Variants in DLG2 observed in about 807,000 individuals in gnomAD.
DLG2 encodes disks large homolog 2.
A neutral mutation model predicts 132.5 loss-of-function variants in DLG2; 45 were observed. The ratio of observed to expected loss-of-function variants is 0.34; its 90% CI spans 0.27 to 0.44. The LOEUF is 0.44. Among genes scored for constraint, DLG2 ranks in the 20% least tolerant of loss-of-function variants. The pLI is 1.00. For missense variants in DLG2, 1,045 were observed against 1,196.9 expected (o/e 0.87, Z 1.87); for synonymous variants, 424 against 419.6 (o/e 1.01, Z -0.13).
intron 7 of DLG2, among the ~76,000 whole-genome samples, chr11:84,347,414 T>C (rs2098543995): frequency 6.6e-6 from 1 of 152,220 alleles, no homozygotes; most frequent in Non-Finnish European, 1.5e-5. Context: ...ATTCTGCCCA[T>C]TGATATTTGG....
intron 6 of DLG2, among the ~76,000 whole-genome samples, chr11:84,922,837 C>A (rs1168582547): frequency 6.7e-6 from 1 of 148,536 alleles, no homozygotes; most frequent in Non-Finnish European, 1.5e-5. Context: ...CACCCCCCAA[C>A]TATGAGCGTG....
At chr11:84,670,645 A>T (rs1425978980) in intron 6 of DLG2, among the ~76,000 whole-genome samples, 1 of 152,148 alleles carries the variant, frequency 6.6e-6, no homozygotes, top group African/African-American at 2.4e-5. Context: ...TTTTACATAA[A>T]TTGTCACTAA....
chr11:83,922,980 T>C (rs1002838658), intron 15 of DLG2, among the ~76,000 whole-genome samples: 9 of 151,996 alleles, frequency 5.9e-5, no homozygotes, highest in African/African-American at 2.2e-4. Context: ...AAGTATAAAA[T>C]CACATATGGG....
intron 6 of DLG2, among the ~76,000 whole-genome samples, chr11:84,848,607 G>A (rs965923065): frequency 2.6e-5 from 4 of 152,120 alleles, no homozygotes; most frequent in African/African-American, 7.2e-5. Flanking sequence ...ACCATTTTAC[G>A]ATGGGTATGT....
At chr11:85,375,307 T>A (rs2152923033) in intron 3 of DLG2, among the ~76,000 whole-genome samples, 1 of 152,312 alleles carries the variant, frequency 6.6e-6, no homozygotes, top group South Asian at 2.1e-4. Flanking sequence ...GAAAGTTCAA[T>A]ACACATAGAT....
At chr11:84,502,370 CTTT>C (rs2099220640) in intron 7 of DLG2, among the ~76,000 whole-genome samples, 1 of 79,976 alleles carries the variant, frequency 1.3e-5, no homozygotes, top group Non-Finnish European at 2.3e-5. Flanking sequence ...TTCTTTCTTT[CTTT>C]CTTTCTTTCT....
intron 3 of DLG2, among the ~76,000 whole-genome samples, chr11:85,508,038 C>T (rs1185123864): frequency 6.6e-6 from 1 of 152,040 alleles, no homozygotes; most frequent in Non-Finnish European, 1.5e-5. Context: ...GTTCTCGTGC[C>T]ATGGTTTTCA....
At chr11:83,733,827 T>C (rs961121865) in intron 18 of DLG2, among the ~76,000 whole-genome samples, 1 of 152,196 alleles carries the variant, frequency 6.6e-6, no homozygotes, top group Admixed American at 6.5e-5. Context: ...ATGGATATAT[T>C]GTGAAGTGGA....
intron 6 of DLG2, among the ~76,000 whole-genome samples, chr11:84,714,902 C>T (rs538084091): frequency 6.6e-6 from 1 of 152,110 alleles, no homozygotes; most frequent in South Asian, 2.1e-4. Context: ...CTTTCTTCTT[C>T]TGATTCCCTC....
intron 3 of DLG2, among the ~76,000 whole-genome samples, chr11:85,552,697 T>C (rs940708149): frequency 1.1e-4 from 17 of 151,414 alleles, no homozygotes; most frequent in Admixed American, 8.6e-4. Context: ...GAAAAAACTA[T>C]TACATGGGAA....
At chr11:85,513,546 T>C (rs1364082049) in intron 3 of DLG2, among the ~76,000 whole-genome samples, 1 of 152,002 alleles carries the variant, frequency 6.6e-6, no homozygotes, top group Non-Finnish European at 1.5e-5. Flanking sequence ...GTTCTTTTTA[T>C]GTAACGGTAG....
intron 3 of DLG2, among the ~76,000 whole-genome samples, chr11:85,309,146 GAGA>G (rs1433844970): frequency 6.6e-6 from 1 of 152,006 alleles, no homozygotes; most frequent in Non-Finnish European, 1.5e-5. Context: ...TCAGTCCCAG[GAGA>G]AGATTTAGAG....
chr11:83,594,985 T>C (rs1366276730), intron 19 of DLG2, among the ~76,000 whole-genome samples: 1 of 152,238 alleles, frequency 6.6e-6, no homozygotes, highest in African/African-American at 2.4e-5. Context: ...ATGGTGGTAA[T>C]GAGTTTCTCA....
At chr11:84,546,008 G>A (rs762284509) in intron 6 of DLG2, among the ~76,000 whole-genome samples, 15 of 152,028 alleles carry the variant, frequency 9.9e-5, no homozygotes, top group Non-Finnish European at 1.6e-4. Flanking sequence ...CATCCGCCTC[G>A]GCCTCCCGAA....
At chr11:84,239,535 A>T (rs2097200239) in intron 8 of DLG2, among the ~76,000 whole-genome samples, 1 of 152,178 alleles carries the variant, frequency 6.6e-6, no homozygotes, top group Admixed American at 6.5e-5. Context: ...TCAAGTACTA[A>T]GAATTATTAA....
At position 84,227,365 on chromosome 11, in the gene DLG2, C is replaced by T. The variant is rs575509618; in HGVS notation, c.573+23873G>A. 8.7e-4 allele frequency among the ~76,000 whole-genome samples: 133 copies of T among 152,088 alleles called. 4 individuals carry two copies. The South Asian group carries it at 0.026, about 30-fold the overall frequency. The stretch of plus-strand genomic sequence containing the variant: ...AGGGAATAAGGCCTAGGAAGAGAGA[C>T]ACACAATGGATATGAAGGAAACCAG... On this transcript the variant is annotated intron_variant, in intron 8 of 27. Transcript: ENST00000376104.
At chr11:84,479,808 A>G (rs533750675) in intron 7 of DLG2, among the ~76,000 whole-genome samples, 13 of 152,270 alleles carry the variant, frequency 8.5e-5, no homozygotes, top group African/African-American at 3.1e-4. Flanking sequence ...AGGAAACTAC[A>G]TTATGACCAT....
intron 17 of DLG2, among the ~76,000 whole-genome samples, chr11:83,816,693 CAT>C (rs1195629879): frequency 6.6e-6 from 1 of 152,152 alleles, no homozygotes. Context: ...CTATCCCAAA[CAT>C]AAGATTATAT....
chr11:84,622,330 A>G (rs1044668347), intron 6 of DLG2, among the ~76,000 whole-genome samples: 1 of 152,246 alleles, frequency 6.6e-6, no homozygotes, highest in African/African-American at 2.4e-5. Context: ...TGATAGGAGC[A>G]TATGACTGTA....
Sources: gnomAD v4.1 joint callset for allele counts (sites outside exome capture counted in the v4.1 genomes callset) on GRCh38, gnomAD v4.1.1 for gene constraint, MANE v1.5 for transcripts, NCBI Gene and HGNC (gene_info 2026-07-23, HGNC 2026-07-21) for gene names.